EHD4: variants seen among roughly 807,000 people sequenced by gnomAD.
EHD4 encodes the protein EH domain containing 4.
Under a neutral mutation model 51.0 loss-of-function variants are expected in EHD4, and 37 were observed. The observed-to-expected ratio is 0.73, with a 90% confidence interval of 0.56 to 0.95. The LOEUF is 0.95. Ranked by LOEUF, EHD4 falls within the 40% of genes least tolerant of loss-of-function variation. The pLI is 0.00. For missense variants in EHD4, 632 were observed against 733.1 expected (o/e 0.86, Z 1.59); for synonymous variants, 297 against 317.3 (o/e 0.94, Z 0.68).
chr15:41,907,462 G>A (rs141154369), intron 5 of EHD4, among the ~76,000 whole-genome samples: 115 of 152,298 alleles, frequency 7.6e-4, no homozygotes, highest in African/African-American at 2.7e-3. Flanking sequence ...TTCAGCTTGT[G>A]AGCACAGGAA....
intron 1 of EHD4, among the ~76,000 whole-genome samples, chr15:41,954,946 T>C (rs915644881): frequency 2.0e-5 from 3 of 152,244 alleles, no homozygotes; most frequent in Non-Finnish European, 2.9e-5. Flanking sequence ...TGAAATTGTT[T>C]AGCAACCTTA....
At chr15:41,903,449 T>TACAC (rs1214956880) in intron 5 of EHD4, among the ~76,000 whole-genome samples, 3 of 102,320 alleles carry the variant, frequency 2.9e-5, no homozygotes, top group Non-Finnish European at 6.0e-5. Context: ...GCCATTAACA[T>TACAC]ACATACACAC....
chr15:41,917,902 T>C (rs955815782), intron 4 of EHD4, among the ~76,000 whole-genome samples: 1 of 152,216 alleles, frequency 6.6e-6, no homozygotes, highest in Non-Finnish European at 1.5e-5. Flanking sequence ...CTGAGCCATA[T>C]GGGAGGAATG....
chr15:41,923,874 T>A (rs2067643886), intron 3 of EHD4, among the ~76,000 whole-genome samples: 1 of 152,256 alleles, frequency 6.6e-6, no homozygotes, highest in South Asian at 2.1e-4. Context: ...TCCCTGCTTT[T>A]GCCCATGCTG....
intron 3 of EHD4, among the ~76,000 whole-genome samples, chr15:41,931,749 T>C (rs1037961649): frequency 1.3e-5 from 2 of 151,314 alleles, no homozygotes; most frequent in African/African-American, 2.4e-5. Context: ...CAATCTCAGC[T>C]CACTGCAACC....
chr15:41,904,111 C>T (rs1239693396), intron 5 of EHD4, among the ~76,000 whole-genome samples: 1 of 152,184 alleles, frequency 6.6e-6, no homozygotes, highest in Non-Finnish European at 1.5e-5. Flanking sequence ...GAACACCTAC[C>T]CCATTTCCTT....
intron 3 of EHD4, among the ~76,000 whole-genome samples, chr15:41,933,580 C>G (rs2067712668): frequency 6.6e-6 from 1 of 152,158 alleles, no homozygotes; most frequent in African/African-American, 2.4e-5. Context: ...TTGCCACTGC[C>G]TCTCTTCCAC....
At chr15:41,901,876 C>A (rs914874556) in intron 5 of EHD4, among the ~76,000 whole-genome samples, 1 of 152,170 alleles carries the variant, frequency 6.6e-6, no homozygotes, top group Non-Finnish European at 1.5e-5. Flanking sequence ...AGGAAGGTAT[C>A]GAGGCAGGGC....
chr15:41,972,354 C>T lies in EHD4; in HGVS notation c.141G>A (p.Glu47=), dbSNP rs531948733. 1.2e-6 allele frequency: 2 copies of T among 1,611,400 alleles called. No homozygotes were observed. The highest frequency in any genetic ancestry group is 2.2e-5 in the South Asian group (2 of 90,724). ...LPLEEAYRFH[E]FHSPALEDAD... ...CGTCCTCCAGCGCAGGCGAGTGGAA[C>T]TCGTGGAAGCGGTACGCCTCCTCCA... The change falls in exon 1 of 6, where the codon GAG becomes GAA. Residue 47 remains glutamate (E), a synonymous_variant. Coordinates refer to ENST00000220325, the MANE Select transcript of EHD4 (RefSeq NM_139265.4).
intron 3 of EHD4, among the ~76,000 whole-genome samples, chr15:41,932,619 AG>A (rs1225990612): frequency 1.3e-5 from 2 of 152,174 alleles, no homozygotes; most frequent in Non-Finnish European, 2.9e-5. Context: ...TACAAGAAAG[AG>A]GATTATGGCA....
At chr15:41,910,747 T>G (rs2067544541) in intron 4 of EHD4, among the ~76,000 whole-genome samples, 1 of 152,132 alleles carries the variant, frequency 6.6e-6, no homozygotes, top group African/African-American at 2.4e-5. Flanking sequence ...TTTTGTATTT[T>G]TAGTAGAGAC....
chr15:41,935,113 A>G (rs1006121736), intron 3 of EHD4, among the ~76,000 whole-genome samples: 3 of 152,096 alleles, frequency 2.0e-5, no homozygotes, highest in African/African-American at 4.8e-5. Context: ...GCCTTTGCCA[A>G]TGCAGCTCCT....
chr15:41,963,093 A>G (rs1300394526), intron 1 of EHD4, among the ~76,000 whole-genome samples: 3 of 152,184 alleles, frequency 2.0e-5, no homozygotes, highest in Admixed American at 6.5e-5. Context: ...GCCTGAAGGC[A>G]GCATACTCCT....
chr15:41,947,859 A>G (rs1017158167), intron 2 of EHD4, among the ~76,000 whole-genome samples: 5 of 152,340 alleles, frequency 3.3e-5, no homozygotes, highest in Admixed American at 2.0e-4. Context: ...GCCACAGGGG[A>G]AAGCCCAGTG....
intron 3 of EHD4, among the ~76,000 whole-genome samples, chr15:41,936,239 C>A (rs1014931339): frequency 1.3e-5 from 2 of 152,176 alleles, no homozygotes; most frequent in African/African-American, 4.8e-5. Context: ...CTGGGAGGCA[C>A]AGGTCTTGGC....
chr15:41,968,042 T>G (rs551472400), intron 1 of EHD4, among the ~76,000 whole-genome samples: 1 of 152,334 alleles, frequency 6.6e-6, no homozygotes, highest in African/African-American at 2.4e-5. Context: ...AGCTGAGTAG[T>G]TCTGCTTTCT....
rs1491135423 is a variant in EHD4, at chr15:41,949,051, T to TATAC, written c.413+4712_413+4713insGTAT. On this transcript the variant is annotated intron_variant, in intron 2 of 5. Transcript: ENST00000220325. ...ATATATATATATATATATATATATA[T>TATAC]ACACACATACACACACACATACATA... Among the ~76,000 whole-genome samples the TATAC allele has an allele frequency of 5.6e-4, 61 of 109,394 alleles. 1 individual carries two copies. The highest frequency in any genetic ancestry group is 2.8e-3 in the East Asian group (11 of 3,918). The allele number at this position is 109,394 out of a possible 152,430, so 71.8% of individuals were successfully genotyped here.
chr15:41,932,795 G>A (rs570620607), intron 3 of EHD4, among the ~76,000 whole-genome samples: 140 of 152,102 alleles, frequency 9.2e-4, no homozygotes, highest in African/African-American at 3.1e-3. Flanking sequence ...CACCCTCACC[G>A]CCCCTGCTTT....
At chr15:41,940,886 T>A (rs1379043562) in intron 3 of EHD4, among the ~76,000 whole-genome samples, 1 of 152,114 alleles carries the variant, frequency 6.6e-6, no homozygotes, top group East Asian at 1.9e-4. Context: ...GGCCTACCAA[T>A]GAAAACAAAT....
Sources: allele counts gnomAD v4.1 joint callset (sites outside exome capture counted in the v4.1 genomes callset), GRCh38; gene constraint gnomAD v4.1.1; transcripts MANE v1.5; gene names NCBI Gene and HGNC (gene_info 2026-07-23, HGNC 2026-07-21).